The following RAB23 variants were observed in gnomAD, a reference collection of about 807,000 sequenced individuals.
RAB23 encodes the protein ras-related protein Rab-23.
A neutral mutation model predicts 30.0 loss-of-function variants in RAB23; 15 were observed. That is an observed-to-expected ratio of 0.50 (90% confidence interval 0.33 to 0.77). RAB23 has a LOEUF of 0.77. RAB23 is among the 30% of genes least tolerant of loss of function. The pLI is 0.02. For synonymous variants in RAB23, 93 were observed against 94.0 expected (o/e 0.99, Z 0.06); for missense variants, 243 against 275.4 (o/e 0.88, Z 0.83).
intron 3 of RAB23, among the ~76,000 whole-genome samples, chr6:57,205,762 G>C (rs1383974583): frequency 2.0e-5 from 3 of 152,198 alleles, no homozygotes; most frequent in East Asian, 3.9e-4. Flanking sequence ...GATGATGCTG[G>C]ACAGACGAGG....
At position 57,210,330 on chromosome 6, in the gene RAB23, A is replaced by G. The variant is rs141279756; in HGVS notation, c.51T>C (p.Asn17=). The G allele has an allele frequency of 5.8e-5, 94 of 1,614,030 alleles. No individual in the cohort carries two copies. In the African/African-American group the frequency reaches 1.0e-3, roughly 17 times the overall value. ...EVAIKMVVVG[N]GAVGKSSMIQ... ...TCATACTTGATTTTCCAACTGCTCC[A>G]TTCCCTACAACCACCATCTTTATGG... The change falls in exon 2 of 7, where the codon AAT becomes AAC. Residue 17 remains asparagine, a synonymous_variant. Transcript: ENST00000468148.
chr6:57,201,875 T>G (rs1301236829), intron 3 of RAB23, among the ~76,000 whole-genome samples: 1 of 152,192 alleles, frequency 6.6e-6, no homozygotes, highest in African/African-American at 2.4e-5. Flanking sequence ...TCTAAAAAGC[T>G]TTAGAGAAAT....
At chr6:57,210,599 G>A (rs1191094386) in intron 1 of RAB23, among the ~76,000 whole-genome samples, 154 bp from the exon 2 acceptor site, 1 of 152,146 alleles carries the variant, frequency 6.6e-6, no homozygotes, top group East Asian at 1.9e-4. Context: ...CTCTTTGAAA[G>A]GTACAGCAAT....
intron 1 of RAB23, 66 bp from the exon 2 acceptor site, chr6:57,210,511 T>C: frequency 1.9e-6 from 2 of 1,052,368 alleles, no homozygotes; most frequent in South Asian, 2.7e-5. Context: ...AATTGTTTTA[T>C]CAAGAAATTA....
At chr6:57,199,593 C>T (rs1277481450) in intron 3 of RAB23, among the ~76,000 whole-genome samples, 1 of 151,800 alleles carries the variant, frequency 6.6e-6, no homozygotes, top group Non-Finnish European at 1.5e-5. Flanking sequence ...GTATAAAGAA[C>T]AAAATGAAAA....
chr6:57,194,842 C>CA lies in RAB23; in HGVS notation c.408dup (p.Glu137Ter), dbSNP rs1438138090. 2 of 1,612,866 alleles carry CA rather than the reference C, an allele frequency of 1.2e-6. No individual in the cohort carries two copies. The highest frequency in any genetic ancestry group is 3.3e-5 in the Admixed American group (2 of 59,948). On this transcript the variant is annotated frameshift_variant, in exon 5 of 7. Transcript: ENST00000468148. LOFTEE classifies it high-confidence loss of function. ...AACTTTAACCTTTTTGCCAGTGCCT[C>CA]AGCTTCCTCACTGCACATCAATTTA...
chr6:57,215,228 T>G (rs1310236487), intron 1 of RAB23, among the ~76,000 whole-genome samples: 3 of 152,030 alleles, frequency 2.0e-5, no homozygotes, highest in Non-Finnish European at 2.9e-5. Context: ...AGAAAGAAGA[T>G]AGAGCTAAAA....
At chr6:57,205,309 T>C (rs1562655683) in intron 3 of RAB23, among the ~76,000 whole-genome samples, 2 of 152,060 alleles carry the variant, frequency 1.3e-5, no homozygotes, top group South Asian at 4.1e-4. Flanking sequence ...TATAAAGTTA[T>C]AGCATCTGAT....
chr6:57,190,277 ATT>A lies in RAB23; in HGVS notation c.*182_*183del. 1.5e-6 allele frequency: 1 copy of A among 663,114 alleles called. No individual in the cohort carries two copies. Among genetic ancestry groups the A allele is most frequent in the East Asian group, 2.8e-5 (1 of 35,274 alleles). The allele number at this position is 663,114 out of a possible 1,614,324, so 41.1% of individuals were successfully genotyped here. The stretch of plus-strand genomic sequence containing the variant: ...AATTAAAGGAGTCCACAGGGCAATA[ATT>A]TTTCCACCAGAGGTCTCACTCTACA... On this transcript the variant is annotated 3_prime_UTR_variant, in exon 7 of 7. Transcript: ENST00000468148.
At chr6:57,199,713 C>T (rs529586044) in intron 3 of RAB23, among the ~76,000 whole-genome samples, 6 of 152,254 alleles carry the variant, frequency 3.9e-5, no homozygotes, top group Non-Finnish European at 5.9e-5. Context: ...CAAAGCAGGA[C>T]GGTTCACCTG....
intron 3 of RAB23, among the ~76,000 whole-genome samples, chr6:57,200,181 C>G (rs1765191426): frequency 6.6e-6 from 1 of 151,230 alleles, no homozygotes; most frequent in Non-Finnish European, 1.5e-5. Flanking sequence ...CTCCCTCAAG[C>G]ACTTCAAGAA....
intron 1 of RAB23, among the ~76,000 whole-genome samples, chr6:57,216,655 G>C (rs1186562193): frequency 1.3e-5 from 2 of 152,106 alleles, no homozygotes; most frequent in Admixed American, 1.3e-4. Context: ...AAGAGTGGCT[G>C]CTCCATAGAC....
intron 6 of RAB23, 95 bp downstream of exon 6, chr6:57,193,747 C>G: frequency 1.4e-6 from 2 of 1,466,130 alleles, no homozygotes; most frequent in Non-Finnish European, 1.8e-6. Flanking sequence ...GTTTAATAAT[C>G]ACTTTTAAAT....
chr6:57,216,092 A>C (rs1319672257), intron 1 of RAB23, among the ~76,000 whole-genome samples: 1 of 152,334 alleles, frequency 6.6e-6, no homozygotes. Context: ...TTAGATACAC[A>C]AATATTTACC....
At chr6:57,191,009 T>C (rs1764819522) in intron 6 of RAB23, among the ~76,000 whole-genome samples, 1 of 152,234 alleles carries the variant, frequency 6.6e-6, no homozygotes, top group Non-Finnish European at 1.5e-5. Context: ...TTTAGCATAA[T>C]GTCTTCAAGG....
intron 1 of RAB23, among the ~76,000 whole-genome samples, chr6:57,216,737 G>A (rs1593229079): frequency 6.6e-6 from 1 of 152,130 alleles, no homozygotes; most frequent in Non-Finnish European, 1.5e-5. Flanking sequence ...ACAAGGGGTG[G>A]ATTATTCTTG....
At chr6:57,193,979 C>T in intron 5 of RAB23, 45 bp from the exon 6 acceptor site, 1 of 1,584,774 alleles carries the variant, frequency 6.3e-7, no homozygotes, top group Non-Finnish European at 8.6e-7. Flanking sequence ...ATGATTTATG[C>T]ATGTAAATCT....
chr6:57,201,367 C>T (rs987653381), intron 3 of RAB23, among the ~76,000 whole-genome samples: 1 of 152,124 alleles, frequency 6.6e-6, no homozygotes, highest in Non-Finnish European at 1.5e-5. Context: ...CTGACCCTCA[C>T]CTGAAGGAGG....
Position 57,194,727 on chromosome 6 carries a change from T to A in RAB23, c.481+43A>T, listed in dbSNP as rs200948018. ...CAACACAATTTTAAAAGCGCAAGAA[T>A]AAAATTTCTTTTTGCAATCTATATC... On this transcript the variant is annotated intron_variant, in intron 5 of 6. Coordinates refer to ENST00000468148, the MANE Select transcript of RAB23 (RefSeq NM_016277.5). 374 of 1,396,254 alleles carry A rather than the reference T, an allele frequency of 2.7e-4. 1 individual carries two copies. The African/African-American group carries it at 4.8e-3, about 18-fold the overall frequency. 86.5% of individuals were successfully genotyped at this position (1,396,254 alleles called of 1,614,324 possible).
Sources: gnomAD v4.1 joint callset for allele counts (sites outside exome capture counted in the v4.1 genomes callset) on GRCh38, gnomAD v4.1.1 for gene constraint, MANE v1.5 for transcripts, NCBI Gene and HGNC (gene_info 2026-07-23, HGNC 2026-07-21) for gene names.